The following CACNA1E variants were observed in gnomAD, a reference collection of about 807,000 sequenced individuals.
CACNA1E encodes the protein calcium voltage-gated channel subunit alpha1 E, also known as voltage-dependent R-type calcium channel subunit alpha-1E.
A neutral mutation model predicts 259.2 loss-of-function variants in CACNA1E; 40 were observed. That is an observed-to-expected ratio of 0.15 (90% CI 0.12 to 0.20). The LOEUF is 0.20. Among genes scored for constraint, CACNA1E ranks in the 10% least tolerant of loss-of-function variants. The pLI is 1.00. For missense variants in CACNA1E, 1,874 were observed against 3,040.1 expected, an observed-to-expected ratio of 0.62 and a Z score of 9.02; for synonymous variants, 1,104 against 1,138.5, an observed-to-expected ratio of 0.97 and a Z score of 0.61.
At chr1:181,658,199 A>G (rs1298538494) in intron 7 of CACNA1E, among the ~76,000 whole-genome samples, 2 of 152,238 alleles carry the variant, frequency 1.3e-5, no homozygotes, top group Admixed American at 1.3e-4. Flanking sequence ...TTGTGTCTTA[A>G]CAGAGCTGGA....
At chr1:181,596,749 T>C (rs978286128) in intron 6 of CACNA1E, among the ~76,000 whole-genome samples, 3 of 152,148 alleles carry the variant, frequency 2.0e-5, no homozygotes, top group African/African-American at 7.2e-5. Flanking sequence ...GTACTGTACA[T>C]AATTCATAAC....
intron 2 of CACNA1E, among the ~76,000 whole-genome samples, chr1:181,456,947 C>A (rs1213646235): frequency 3.9e-5 from 6 of 152,188 alleles, no homozygotes; most frequent in African/African-American, 1.2e-4. Flanking sequence ...TTTAAGACTG[C>A]CTGTTTGAGA....
At chr1:181,652,598 G>C (rs58637548) in intron 7 of CACNA1E, among the ~76,000 whole-genome samples, 1 of 152,054 alleles carries the variant, frequency 6.6e-6, no homozygotes, top group Non-Finnish European at 1.5e-5. Context: ...ATTGTTCTTC[G>C]GAGCCCTAGA....
chr1:181,617,732 C>T (rs578243875), intron 6 of CACNA1E, among the ~76,000 whole-genome samples: 1 of 152,262 alleles, frequency 6.6e-6, no homozygotes, highest in African/African-American at 2.4e-5. Context: ...AGATTGCCTC[C>T]CACACCTCTC....
intron 6 of CACNA1E, among the ~76,000 whole-genome samples, chr1:181,620,857 A>G (rs192647554): frequency 2.1e-4 from 32 of 152,288 alleles, no homozygotes; most frequent in Admixed American, 1.4e-3. Flanking sequence ...GGGAAGACTT[A>G]AATAAGTAAA....
intron 7 of CACNA1E, among the ~76,000 whole-genome samples, chr1:181,678,446 A>G (rs1649595782): frequency 6.6e-6 from 1 of 152,234 alleles, no homozygotes; most frequent in Non-Finnish European, 1.5e-5. Context: ...AATAATGATA[A>G]TAAAACAGGT....
chr1:181,693,660 G>A lies in CACNA1E; in HGVS notation c.1056-17294G>A, dbSNP rs559508971. ...ATAGACACTGGGTACTACTGGAGGT[G>A]GTAGAGGGTTGAAAAACTGTTGGGC... On this transcript the variant is annotated intron_variant, in intron 7 of 47. Coordinates refer to ENST00000367573, the MANE Select transcript of CACNA1E (RefSeq NM_001205293.3). Among the ~76,000 whole-genome samples the A allele has an allele frequency of 7.2e-5, 11 of 152,062 alleles. 1 individual carries two copies. The East Asian group carries it at 9.7e-4, about 13-fold the overall frequency.
chr1:181,423,300 G>A (rs1658901275), intron 2 of CACNA1E, among the ~76,000 whole-genome samples: 2 of 152,162 alleles, frequency 1.3e-5, no homozygotes, highest in Non-Finnish European at 2.9e-5. Flanking sequence ...ACAGTGCCTG[G>A]CACAAGGTCA....
intron 7 of CACNA1E, among the ~76,000 whole-genome samples, chr1:181,674,856 C>T (rs976847649): frequency 1.3e-5 from 2 of 152,210 alleles, no homozygotes; most frequent in African/African-American, 4.8e-5. Flanking sequence ...CGTGCCAGGG[C>T]ATGAGTGTCC....
In CACNA1E at chr1:181,709,527, AGC is replaced by A. The variant is rs1653126171; in HGVS notation, c.1056-1426_1056-1425del. Among the ~76,000 whole-genome samples the A allele has an allele frequency of 3.9e-5, 6 of 152,180 alleles. No individual in the cohort carries two copies. The East Asian group carries it at 1.2e-3, about 29-fold the overall frequency. Reference sequence around the variant, plus strand: ...GGCGTCTTCCCTTTCCCTGCACTGTAGCTGGGGCCCATCCCCCAGCCCCTCAT... The same window carrying A: ...GGCGTCTTCCCTTTCCCTGCACTGTATGGGGCCCATCCCCCAGCCCCTCAT... On this transcript the variant is annotated intron_variant, in intron 7 of 47. Transcript: ENST00000367573.
At chr1:181,327,754 T>C (rs1406524852) in intron 1 of CACNA1E, among the ~76,000 whole-genome samples, 1 of 152,254 alleles carries the variant, frequency 6.6e-6, no homozygotes, top group Non-Finnish European at 1.5e-5. Flanking sequence ...TGGCTTTGAA[T>C]ATCATCTTTA....
At chr1:181,443,408 A>G (rs1019212282) in intron 2 of CACNA1E, among the ~76,000 whole-genome samples, 1 of 152,228 alleles carries the variant, frequency 6.6e-6, no homozygotes, top group Non-Finnish European at 1.5e-5. Flanking sequence ...GGTTTTCCCC[A>G]TGGCGATAAG....
chr1:181,675,369 T>C (rs1303761306), intron 7 of CACNA1E, among the ~76,000 whole-genome samples: 1 of 152,168 alleles, frequency 6.6e-6, no homozygotes, highest in African/African-American at 2.4e-5. Flanking sequence ...ACGTACCCAG[T>C]AGGGACATGC....
intron 1 of CACNA1E, among the ~76,000 whole-genome samples, chr1:181,490,800 G>A (rs1377638867): frequency 2.0e-5 from 3 of 152,156 alleles, no homozygotes; most frequent in Non-Finnish European, 2.9e-5. Context: ...GGATTAAAAA[G>A]GATGTAGCTG....
chr1:181,772,489 C>G (rs1161750780), intron 37 of CACNA1E, among the ~76,000 whole-genome samples: 1 of 152,154 alleles, frequency 6.6e-6, no homozygotes, highest in Admixed American at 6.5e-5. Flanking sequence ...TGAGAAAAGT[C>G]TTTGTTGGTT....
chr1:181,363,958 A>G lies in CACNA1E; in HGVS notation c.-15+45835A>G, dbSNP rs372145472. On this transcript the variant is annotated intron_variant, in intron 1 of 11. Coordinates refer to the CACNA1E transcript ENST00000524607. ...GGTCCTCTGTTCACCATAAGCCCTT[A>G]TGAATTCCTGAGGAGGTGACTGGCA... is the stretch of plus-strand genomic sequence containing the variant. Among the ~76,000 whole-genome samples the G allele has an allele frequency of 3.3e-5, 5 of 152,308 alleles. No individual in the cohort carries two copies. The East Asian group carries it at 9.6e-4, about 29-fold the overall frequency.
chr1:181,686,198 C>A (rs1042905054), intron 7 of CACNA1E, among the ~76,000 whole-genome samples: 2 of 146,958 alleles, frequency 1.4e-5, no homozygotes, highest in Non-Finnish European at 3.0e-5. Context: ...ATCCCTTTTT[C>A]TTTATTTGAT....
chr1:181,504,112 T>C (rs755231540), intron 1 of CACNA1E, among the ~76,000 whole-genome samples: 1 of 152,136 alleles, frequency 6.6e-6, no homozygotes, highest in Non-Finnish European at 1.5e-5. Context: ...CATGAAGGTG[T>C]CCATGCCATC....
intron 2 of CACNA1E, among the ~76,000 whole-genome samples, chr1:181,443,933 G>A (rs1660651154): frequency 6.6e-6 from 1 of 152,202 alleles, no homozygotes; most frequent in Non-Finnish European, 1.5e-5. Context: ...GGGAAATGGA[G>A]CTTTTACTGA....
Sources: gnomAD v4.1 joint callset for allele counts (sites outside exome capture counted in the v4.1 genomes callset) on GRCh38, gnomAD v4.1.1 for gene constraint, MANE v1.5 for transcripts, NCBI Gene and HGNC (gene_info 2026-07-23, HGNC 2026-07-21) for gene names.